Variants in PCLO observed in about 807,000 individuals in gnomAD.
PCLO encodes protein piccolo.
A neutral mutation model predicts 427.5 loss-of-function variants in PCLO; 82 were observed. The observed-to-expected ratio is 0.19, with a 90% CI of 0.16 to 0.23. The LOEUF (loss-of-function observed/expected upper bound fraction) is 0.23. PCLO is among the 10% of genes least tolerant of loss of function. The pLI is 1.00. For missense variants in PCLO, 6,239 were observed against 6,115.9 expected, an observed-to-expected ratio of 1.02 and a Z score of -0.67; for synonymous variants, 2,357 against 2,155.4, an observed-to-expected ratio of 1.09 and a Z score of -2.59.
intron 10 of PCLO, among the ~76,000 whole-genome samples, chr7:82,872,924 C>G (rs1793272459): frequency 3.9e-5 from 6 of 151,944 alleles, no homozygotes; most frequent in Non-Finnish European, 8.8e-5. Flanking sequence ...TTCAAATAAG[C>G]AAAACGAATC....
At position 82,915,354 on chromosome 7, in the gene PCLO, T is replaced by C; in HGVS notation, c.12632A>G (p.Asp4211Gly). Residue 4211 changes from aspartate to glycine, a missense_variant, in exon 7 of 25, where the codon GAC becomes GGC. By Grantham distance (94) the Asp-to-Gly change is moderately conservative (BLOSUM62 -1). Transcript: ENST00000333891. ...ATAGCTTGAATAATCAGGTTCAAGG[T>C]CTCTACTTTCTTGAATAGGTGAAAA... Reference protein sequence around the residue: ...SKFSPIQESRDLEPDYSSYMT... With the variant: ...SKFSPIQESRGLEPDYSSYMT... 6.2e-7 allele frequency: 1 copy of C among 1,613,418 alleles called. No homozygotes were observed. The highest frequency in any genetic ancestry group is 8.5e-7 in the Non-Finnish European group (1 of 1,179,598).
intron 3 of PCLO, among the ~76,000 whole-genome samples, chr7:83,030,119 G>GAAAAAAAA (rs199609017): frequency 1.3e-4 from 14 of 104,538 alleles, no homozygotes; most frequent in South Asian, 3.3e-4. Flanking sequence ...AATAATAAAA[G>GAAAAAAAA]AAAAAAAAAA....
rs1337932472 is a variant in PCLO, at chr7:82,999,686, A to T, written c.3301-33199T>A. Among the ~76,000 whole-genome samples, 5 of 21,842 alleles carry T rather than the reference A, an allele frequency of 2.3e-4. 2 individuals carry two copies. The highest frequency in any genetic ancestry group is 9.4e-4 in the African/African-American group (2 of 2,136). 14.3% of individuals were successfully genotyped at this position (21,842 alleles called of 152,430 possible). ...TAAAATATAAAATATATTATATATA[A>T]AATAATATATAATATTAAATATAAA... On this transcript the variant is annotated intron_variant, in intron 3 of 24. Coordinates refer to ENST00000333891, the MANE Select transcript of PCLO (RefSeq NM_033026.6).
chr7:83,154,668 A>G (rs959385616), intron 2 of PCLO, 80 bp downstream of exon 2: 7 of 1,011,402 alleles, frequency 6.9e-6, no homozygotes, highest in African/African-American at 6.4e-5. Flanking sequence ...ATCATGTCAT[A>G]TATGTGTTTA....
intron 16 of PCLO, among the ~76,000 whole-genome samples, chr7:82,833,605 C>T (rs1482848561): frequency 1.3e-5 from 2 of 152,068 alleles, no homozygotes; most frequent in East Asian, 1.9e-4. Context: ...AGATGTATTA[C>T]ATTTTAATAT....
chr7:83,063,804 AG>A (rs1789597906), intron 3 of PCLO, among the ~76,000 whole-genome samples: 1 of 152,086 alleles, frequency 6.6e-6, no homozygotes, highest in Admixed American at 6.6e-5. Context: ...GCTGACTTCA[AG>A]TTCTGTCCCT....
At chr7:83,114,347 T>C (rs1165543537) in intron 3 of PCLO, among the ~76,000 whole-genome samples, 2 of 151,850 alleles carry the variant, frequency 1.3e-5, no homozygotes, top group East Asian at 3.9e-4. Flanking sequence ...AAAGTGATAT[T>C]TGGGATAAAT....
chr7:83,158,700 T>C (rs574978871), intron 1 of PCLO, among the ~76,000 whole-genome samples: 1 of 152,136 alleles, frequency 6.6e-6, no homozygotes, highest in Non-Finnish European at 1.5e-5. Flanking sequence ...AGCAAGCTGC[T>C]TGCACCAGGA....
intron 8 of PCLO, among the ~76,000 whole-genome samples, chr7:82,906,396 G>T (rs1446967423): frequency 6.6e-6 from 1 of 151,974 alleles, no homozygotes; most frequent in Non-Finnish European, 1.5e-5. Flanking sequence ...GAGATGCAAA[G>T]AAGTTAATAA....
intron 3 of PCLO, among the ~76,000 whole-genome samples, chr7:83,102,208 T>C (rs1230026970): frequency 6.6e-6 from 1 of 151,966 alleles, no homozygotes; most frequent in East Asian, 1.9e-4. Flanking sequence ...GATTCTAAAA[T>C]TGGATCAGAA....
At position 83,134,351 on chromosome 7, in the gene PCLO, T is replaced by G; in HGVS notation, c.3199A>C (p.Asn1067His). Residue 1067 changes from asparagine to histidine, a missense_variant, in exon 3 of 25, where the codon AAC (asparagine) becomes CAC (histidine). This residue lies in a region of PCLO where 4,677 missense variants were observed against 4,468.4 expected (regional missense o/e 1.05). Coordinates refer to ENST00000333891, the MANE Select transcript of PCLO (RefSeq NM_033026.6). Reference protein sequence around the residue: ...STCPLCKTELNIGSKDPPNFN... With the variant: ...STCPLCKTELHIGSKDPPNFN... ...TTAGGAGGATCCTTAGAACCTATGT[T>G]GAGTTCAGTTTTGCAGAGAGGACAG... 1 of 1,613,032 alleles carries G rather than the reference T, an allele frequency of 6.2e-7. No individual in the cohort carries two copies. The highest frequency in any genetic ancestry group is 8.5e-7 in the Non-Finnish European group (1 of 1,179,510).
chr7:82,892,670 T>C (rs1304097726), intron 9 of PCLO, among the ~76,000 whole-genome samples: 11 of 151,912 alleles, frequency 7.2e-5, no homozygotes, highest in Non-Finnish European at 1.0e-4. Flanking sequence ...ATTTTTGCAA[T>C]CTCCTCATCT....
rs1260177009 is a variant in PCLO at position 83,162,485 on chromosome 7, C to G, written c.108G>C (p.Ala36=). 8.2e-6 allele frequency: 13 copies of G among 1,577,808 alleles called. No individual in the cohort carries two copies. Among genetic ancestry groups the G allele is most frequent in the Non-Finnish European group, 1.1e-5 (13 of 1,161,660 alleles). Residue 36 remains alanine (A), a synonymous_variant, in exon 1 of 25, where the codon GCG becomes GCC. Coordinates refer to ENST00000333891, the MANE Select transcript of PCLO (RefSeq NM_033026.6). ...AATCCGCCTCCATGCCGGCCGGGATCGCGGTGTGAGAGGGGCTCCCCGCCC... is the reference window on the plus strand; with the variant it reads ...AATCCGCCTCCATGCCGGCCGGGATGGCGGTGTGAGAGGGGCTCCCCGCCC... ...ASGAGSPSHT[A]IPAGMEADLS... is the part of the protein sequence containing the mutation.
At chr7:82,988,380 GA>G (rs1431485389) in intron 3 of PCLO, among the ~76,000 whole-genome samples, 1 of 151,830 alleles carries the variant, frequency 6.6e-6, no homozygotes, top group East Asian at 1.9e-4. Context: ...GAAGAAAGAA[GA>G]AAAAATAATC....
intron 14 of PCLO, among the ~76,000 whole-genome samples, chr7:82,840,347 T>C (rs1025986270): frequency 2.0e-5 from 3 of 152,078 alleles, no homozygotes; most frequent in African/African-American, 7.2e-5. Context: ...TTCTGCTTTG[T>C]AGTAGGTTCC....
In PCLO at chr7:83,017,545, T is replaced by G. The variant is rs1384030192; in HGVS notation, c.3301-51058A>C. ...AGCAGATCACATAGGTTCACTGAAC[T>G]CCAAAGAAATCAATGCAAAGAGATA... is the stretch of plus-strand genomic sequence containing the variant. On this transcript the variant is annotated intron_variant, in intron 3 of 24. Transcript: ENST00000333891. Among the ~76,000 whole-genome samples the G allele has an allele frequency of 3.3e-5, 5 of 152,076 alleles. No homozygotes were observed. The East Asian group carries it at 9.7e-4, about 29-fold the overall frequency.
chr7:83,009,933 A>C (rs1445449647), intron 3 of PCLO, among the ~76,000 whole-genome samples: 1 of 151,886 alleles, frequency 6.6e-6, no homozygotes, highest in Non-Finnish European at 1.5e-5. Context: ...AGAATACATT[A>C]ATTTGTAACA....
At chr7:83,130,170 GAGACGAAGTCTCCCATTA>G (rs1791535631) in intron 3 of PCLO, among the ~76,000 whole-genome samples, 3 of 151,792 alleles carry the variant, frequency 2.0e-5, no homozygotes, top group African/African-American at 7.3e-5. Context: ...GTTATTATTT[GAGACGAAGTCTCCCATTA>G]TTATTATTTG....
rs1165811627 is a variant in PCLO, at chr7:82,949,565, T to G, written c.11023A>C (p.Met3675Leu). 6.2e-7 allele frequency: 1 copy of G among 1,613,778 alleles called. No homozygotes were observed. Among genetic ancestry groups the G allele is most frequent in the African/African-American group, 1.3e-5 (1 of 74,900 alleles). Residue 3675 changes from methionine (M) to leucine (L), a missense_variant, in exon 6 of 25, where the codon ATG becomes CTG. Met to Leu is a conservative substitution (Grantham distance 15, BLOSUM62 2). Coordinates refer to ENST00000333891, the MANE Select transcript of PCLO (RefSeq NM_033026.6). ...TTGGGGTCAGACATAGAACGCTGCA[T>G]CATCTTGGCTGTCTTAGGACTTGCT... Reference protein sequence around the residue: ...PPASPKTAKMMQRSMSDPKPL... With the variant: ...PPASPKTAKMLQRSMSDPKPL...
Sources: gnomAD v4.1 joint callset for allele counts (sites outside exome capture counted in the v4.1 genomes callset) on GRCh38, gnomAD v4.1.1 for gene constraint, gnomAD v4.1.1 regional missense constraint, MANE v1.5 for transcripts, NCBI Gene and HGNC (gene_info 2026-07-23, HGNC 2026-07-21) for gene names.